SEPTIN9: variants seen among roughly 807,000 people sequenced by gnomAD.
The protein encoded by SEPTIN9 is septin-9.
Under a neutral mutation model 56.6 loss-of-function variants are expected in SEPTIN9, and 13 were observed. The ratio of observed to expected loss-of-function variants is 0.23; its 90% CI spans 0.15 to 0.37. The LOEUF (loss-of-function observed/expected upper bound fraction) is 0.37. Among genes scored for constraint, SEPTIN9 ranks in the 10% least tolerant of loss-of-function variants. SEPTIN9 has a pLI of 1.00. For missense variants in SEPTIN9, 650 were observed against 823.1 expected, an observed-to-expected ratio of 0.79 and a Z score of 2.57; for synonymous variants, 332 against 334.1, an observed-to-expected ratio of 0.99 and a Z score of 0.07.
Position 77,304,441 on chromosome 17 carries a change from G to A in SEPTIN9, c.20-2700G>A, listed in dbSNP as rs1297873078. ...TCCACCCCCATGCTGGGTTTGGAGA[G>A]AGTGGGCCAGCATGTTTCCTACGGA... On this transcript the variant is annotated intron_variant, in intron 1 of 11. Transcript: ENST00000427177. Among the ~76,000 whole-genome samples, 5 of 152,242 alleles carry A rather than the reference G, an allele frequency of 3.3e-5. No individual in the cohort carries two copies. In the East Asian group the frequency reaches 9.6e-4, roughly 29 times the overall value.
chr17:77,489,329 G>A (rs1357734101), intron 7 of SEPTIN9, among the ~76,000 whole-genome samples: 4 of 152,214 alleles, frequency 2.6e-5, no homozygotes, highest in Admixed American at 2.0e-4. Flanking sequence ...CGGGGCTGCT[G>A]TTGGTGTTGG....
At chr17:77,359,468 C>T (rs1170160989) in intron 2 of SEPTIN9, among the ~76,000 whole-genome samples, 1 of 152,230 alleles carries the variant, frequency 6.6e-6, no homozygotes, top group Non-Finnish European at 1.5e-5. Context: ...ACTGCTCTTT[C>T]ATCCTGGAGC....
At chr17:77,335,097 A>G (rs569823875) in intron 2 of SEPTIN9, among the ~76,000 whole-genome samples, 1 of 150,404 alleles carries the variant, frequency 6.6e-6, no homozygotes, top group East Asian at 2.0e-4. Flanking sequence ...CCCTATATTG[A>G]CTGTATATGT....
intron 2 of SEPTIN9, among the ~76,000 whole-genome samples, chr17:77,395,250 G>A (rs887915999): frequency 2.6e-5 from 4 of 151,974 alleles, no homozygotes; most frequent in Non-Finnish European, 5.9e-5. Context: ...AATATTGGCC[G>A]GGTGCAGTGG....
intron 2 of SEPTIN9, among the ~76,000 whole-genome samples, chr17:77,357,707 C>T (rs970371083): frequency 5.9e-5 from 9 of 152,046 alleles, no homozygotes; most frequent in African/African-American, 9.7e-5. Context: ...CTCCAACTCC[C>T]GAGCTCAAGC....
intron 2 of SEPTIN9, among the ~76,000 whole-genome samples, chr17:77,380,515 G>A (rs1192538030): frequency 1.3e-5 from 2 of 152,034 alleles, no homozygotes; most frequent in Non-Finnish European, 2.9e-5. Flanking sequence ...AAAATCAAGG[G>A]GCCTGGCCTT....
Position 77,410,638 on chromosome 17 carries a change from A to G in SEPTIN9, c.721+7935A>G, listed in dbSNP as rs1301835552. Among the ~76,000 whole-genome samples the G allele has an allele frequency of 2.0e-5, 3 of 152,178 alleles. No homozygotes were observed. The East Asian group carries it at 5.8e-4, about 29-fold the overall frequency. ...TTTTCTCATTGTGGAAGTGGGCACA[A>G]TTCTTCCTGTGCAGCGTGGTTAGAG... On this transcript the variant is annotated intron_variant, in intron 3 of 11. Coordinates refer to ENST00000427177, the MANE Select transcript of SEPTIN9 (RefSeq NM_001113491.2).
At chr17:77,373,720 C>A (rs2034807256) in intron 2 of SEPTIN9, 1 of 1,301,706 alleles carries the variant, frequency 7.7e-7, no homozygotes, top group Non-Finnish European at 9.9e-7. Flanking sequence ...CCCCCGGCCC[C>A]GTGCCCGCGC....
intron 3 of SEPTIN9, among the ~76,000 whole-genome samples, chr17:77,468,703 G>A (rs960605873): frequency 2.6e-5 from 4 of 152,294 alleles, no homozygotes; most frequent in Non-Finnish European, 5.9e-5. Context: ...TATATCCCAG[G>A]TGCAATGGAA....
intron 8 of SEPTIN9, among the ~76,000 whole-genome samples, chr17:77,491,442 C>T (rs1227093682): frequency 6.6e-6 from 1 of 151,816 alleles, no homozygotes; most frequent in African/African-American, 2.4e-5. Flanking sequence ...AAGGGATCCT[C>T]CTGCCTCAGC....
rs890986308 is a variant in SEPTIN9 at position 77,445,401 on chromosome 17, T to C, written c.722-36743T>C. The C allele has an allele frequency of 1.7e-5, 8 of 468,060 alleles. No individual in the cohort carries two copies. Among genetic ancestry groups the C allele is most frequent in the Non-Finnish European group, 3.1e-5 (7 of 226,972 alleles). 29.0% of individuals were successfully genotyped at this position (468,060 alleles called of 1,614,324 possible). ...CCATTGGGGTGTTGCCCAGGATGGA[T>C]TGGAAAAGAGTTGGCAGGAAGGCTG... is the stretch of plus-strand genomic sequence containing the variant. On this transcript the variant is annotated intron_variant, in intron 3 of 11. Transcript: ENST00000427177. The surrounding 1 kb of genome is among the most constrained non-coding windows in gnomAD (Gnocchi z 4.7).
At chr17:77,432,310 C>T (rs974096583) in intron 3 of SEPTIN9, among the ~76,000 whole-genome samples, 1 of 152,234 alleles carries the variant, frequency 6.6e-6, no homozygotes, top group Non-Finnish European at 1.5e-5. Flanking sequence ...CAGGAGCCCA[C>T]ATGTCAGTGC....
Position 77,495,383 on chromosome 17 carries a change from C to T in SEPTIN9, c.1574-1932C>T, listed in dbSNP as rs533977114. 3.9e-5 allele frequency among the ~76,000 whole-genome samples: 6 copies of T among 152,308 alleles called. No individual in the cohort carries two copies. In the South Asian group the frequency reaches 1.2e-3, roughly 32 times the overall value. Reference sequence around the variant, plus strand: ...CCCCATGAGTTCATAGCTGACCTGACACCCGGACTAGTAAGGGCTGTGCCT... The same window carrying T: ...CCCCATGAGTTCATAGCTGACCTGATACCCGGACTAGTAAGGGCTGTGCCT... On this transcript the variant is annotated intron_variant, in intron 10 of 11. Coordinates refer to ENST00000427177, the MANE Select transcript of SEPTIN9 (RefSeq NM_001113491.2).
At chr17:77,491,358 T>C (rs1235999593) in intron 8 of SEPTIN9, among the ~76,000 whole-genome samples, 1 of 152,032 alleles carries the variant, frequency 6.6e-6, no homozygotes, top group African/African-American at 2.4e-5. Flanking sequence ...CCACCATGTC[T>C]GGCTAATTTT....
rs545918312 is a variant in SEPTIN9 at position 77,357,152 on chromosome 17, G to A, written c.77-44907G>A. 1.1e-4 allele frequency among the ~76,000 whole-genome samples: 16 copies of A among 152,218 alleles called. No individual in the cohort carries two copies. In the South Asian group the frequency reaches 1.7e-3, roughly 16 times the overall value. On this transcript the variant is annotated intron_variant, in intron 2 of 11. Coordinates refer to ENST00000427177, the MANE Select transcript of SEPTIN9 (RefSeq NM_001113491.2). ...AGGGCAGGATGGAGAGCTGGCCCACGCCACCTGTGGAATCTTCCAGGTGTG... is the reference window on the plus strand; with the variant it reads ...AGGGCAGGATGGAGAGCTGGCCCACACCACCTGTGGAATCTTCCAGGTGTG...
intron 3 of SEPTIN9, among the ~76,000 whole-genome samples, chr17:77,440,905 A>G (rs1192678112): frequency 6.6e-6 from 1 of 152,252 alleles, no homozygotes; most frequent in Non-Finnish European, 1.5e-5. Context: ...TGAGATGGAC[A>G]GCTGGGTGGT....
Position 77,451,832 on chromosome 17 carries a change from G to GC in SEPTIN9, c.722-30309dup, listed in dbSNP as rs1014396250. Among the ~76,000 whole-genome samples the GC allele has an allele frequency of 4.1e-4, 63 of 152,372 alleles. No homozygotes were observed. The highest frequency in any genetic ancestry group is 1.5e-3 in the African/African-American group (61 of 41,582). Reference sequence around the variant, plus strand: ...AGCTGAGTGGCTAAGTTCTCCTGCTGCCCGGAGCTTCTTGGAACATGTTTC... The same window carrying GC: ...AGCTGAGTGGCTAAGTTCTCCTGCTGCCCCGGAGCTTCTTGGAACATGTTTC... On this transcript the variant is annotated intron_variant, in intron 3 of 11. Transcript: ENST00000427177. The surrounding 1 kb of genome is among the most constrained non-coding windows in gnomAD (Gnocchi z 4.2).
rs779401166 is a variant in SEPTIN9, at chr17:77,402,741, A to G, written c.721+38A>G. 9 of 1,518,490 alleles carry G rather than the reference A, an allele frequency of 5.9e-6. No homozygotes were observed. In the Admixed American group the frequency reaches 1.6e-4, roughly 26 times the overall value. The allele number at this position is 1,518,490 out of a possible 1,614,324, so 94.1% of individuals were successfully genotyped here. A position where few individuals can be genotyped will look rare whatever the true frequency, so the allele number is the denominator to read the frequency against. On this transcript the variant is annotated intron_variant, in intron 3 of 11. Transcript: ENST00000427177. The surrounding 1 kb of genome is among the most constrained non-coding windows in gnomAD (Gnocchi z 6.6). Reference sequence around the variant, plus strand: ...GCGCTAGGTCTTGGATGCTGTGGTAATGGGGGGCCTGGTTGCTGGCTTTGC... The same window carrying G: ...GCGCTAGGTCTTGGATGCTGTGGTAGTGGGGGGCCTGGTTGCTGGCTTTGC...
In SEPTIN9 at chr17:77,319,598, C is replaced by G. The variant is rs941258687; in HGVS notation, c.76+12401C>G. ...GGGCAGGTGCTCCGGAACCTTTTCT[C>G]AGCACGCTGGCCTGGGGCACGGCCG... is the stretch of plus-strand genomic sequence containing the variant. On this transcript the variant is annotated intron_variant, in intron 2 of 11. Transcript: ENST00000427177. This position sits in a 1 kb window ranked among gnomAD's most constrained non-coding sequence, Gnocchi z 5.3. 3 of 1,061,014 alleles carry G rather than the reference C, an allele frequency of 2.8e-6. No homozygotes were observed. The highest frequency in any genetic ancestry group is 3.4e-6 in the Non-Finnish European group (3 of 876,742). The allele number at this position is 1,061,014 out of a possible 1,614,324, so 65.7% of individuals were successfully genotyped here. A position where few individuals can be genotyped will look rare whatever the true frequency, so the allele number is the denominator to read the frequency against.
Sources: gnomAD v4.1 joint callset for allele counts (sites outside exome capture counted in the v4.1 genomes callset) on GRCh38, gnomAD v4.1.1 for gene constraint, Gnocchi (gnomAD v3.1) non-coding constraint, MANE v1.5 for transcripts, NCBI Gene and HGNC (gene_info 2026-07-23, HGNC 2026-07-21) for gene names.